ZMAT3: variants seen among roughly 807,000 people sequenced by gnomAD.
ZMAT3 encodes the protein zinc finger matrin-type protein 3.
In ZMAT3, 17 loss-of-function variants were observed where a neutral mutation model predicts 32.3. The observed-to-expected ratio is 0.53, with a 90% CI of 0.36 to 0.79. The LOEUF is 0.79. Among genes scored for constraint, ZMAT3 ranks in the 30% least tolerant of loss-of-function variants. The pLI is 0.00. For synonymous variants in ZMAT3, 120 were observed against 133.1 expected (o/e 0.90, Z 0.68); for missense variants, 329 against 359.7 (o/e 0.91, Z 0.69).
chr3:179,066,827 G>A (rs1041992267), intron 2 of ZMAT3, among the ~76,000 whole-genome samples: 1 of 152,156 alleles, frequency 6.6e-6, no homozygotes, highest in South Asian at 2.1e-4. Context: ...ATTCAACATG[G>A]AGGTGAAAGC....
chr3:179,053,342 A>C (rs1720671199), intron 2 of ZMAT3, among the ~76,000 whole-genome samples: 1 of 151,680 alleles, frequency 6.6e-6, no homozygotes, highest in African/African-American at 2.4e-5. Flanking sequence ...CAGTAATATA[A>C]ATAACTGAAT....
chr3:179,034,178 A>G (rs376430401), intron 2 of ZMAT3, among the ~76,000 whole-genome samples: 17 of 152,366 alleles, frequency 1.1e-4, no homozygotes, highest in African/African-American at 3.6e-4. Flanking sequence ...TTTATATGCT[A>G]AGCCCTAGAA....
chr3:179,047,774 A>T (rs962279610), intron 2 of ZMAT3, among the ~76,000 whole-genome samples: 2 of 151,966 alleles, frequency 1.3e-5, no homozygotes, highest in Non-Finnish European at 2.9e-5. Context: ...CAGGAGAATC[A>T]CTTCAGTCCG....
rs1374986803 is a variant in ZMAT3 at position 179,017,608 on chromosome 3, G to C, written c.*7409C>G. 6.6e-6 allele frequency: 1 copy of C among 152,082 alleles called. No individual in the cohort carries two copies. The highest frequency in any genetic ancestry group is 2.4e-5 in the African/African-American group (1 of 41,394). 9.4% of individuals were successfully genotyped at this position (152,082 alleles called of 1,614,324 possible). ...AAACAACCCTAATTACACACAGTTT[G>C]GGCTGACATTTTTTAGCTATATCCT... On this transcript the variant is annotated 3_prime_UTR_variant, in exon 6 of 6. Transcript: ENST00000311417.
chr3:179,033,956 T>C (rs2108546662), intron 2 of ZMAT3, among the ~76,000 whole-genome samples: 1 of 152,336 alleles, frequency 6.6e-6, no homozygotes, highest in Non-Finnish European at 1.5e-5. Flanking sequence ...TACAGCATGA[T>C]GGCTTCAAGA....
chr3:179,069,504 A>G (rs771628198), intron 1 of ZMAT3, among the ~76,000 whole-genome samples: 16 of 152,214 alleles, frequency 1.1e-4, no homozygotes, highest in Non-Finnish European at 2.2e-4. Flanking sequence ...CTCTTGGTCA[A>G]TAGAATATGG....
At chr3:179,048,752 GA>G (rs1312482231) in intron 2 of ZMAT3, among the ~76,000 whole-genome samples, 2 of 113,584 alleles carry the variant, frequency 1.8e-5, no homozygotes, top group Non-Finnish European at 3.8e-5. Context: ...TAACACAATG[GA>G]AAAAAACCCA....
rs185534466 is a variant in ZMAT3 at position 179,043,595 on chromosome 3, T to C, written c.271-12596A>G. Among the ~76,000 whole-genome samples the C allele has an allele frequency of 3.4e-3, 517 of 152,304 alleles. 3 individuals are homozygous for C. Among genetic ancestry groups the C allele is most frequent in the African/African-American group, 0.012 (490 of 41,566 alleles). On this transcript the variant is annotated intron_variant, in intron 2 of 5. Transcript: ENST00000311417. ...ATTCAAGATGGATTAAAGACTTAAA[T>C]GTTAGACCTAAAACCATAAAAATCC...
At position 179,021,690 on chromosome 3, in the gene ZMAT3, A is replaced by T. The variant is rs1223091912; in HGVS notation, c.*3327T>A. 1 of 152,214 alleles carries T rather than the reference A, an allele frequency of 6.6e-6. No homozygotes were observed. Among genetic ancestry groups the T allele is most frequent in the East Asian group, 1.9e-4 (1 of 5,200 alleles). 9.4% of individuals were successfully genotyped at this position (152,214 alleles called of 1,614,324 possible). A position where few individuals can be genotyped will look rare whatever the true frequency, so the allele number is the denominator to read the frequency against. ...AGACAGACTGAGCTTCACAAAATGA[A>T]ACCAACGAAGATCACATATCACTGA... is the stretch of plus-strand genomic sequence containing the variant. On this transcript the variant is annotated 3_prime_UTR_variant, in exon 6 of 6. Transcript: ENST00000311417.
At chr3:179,049,712 G>A (rs994113465) in intron 2 of ZMAT3, among the ~76,000 whole-genome samples, 6 of 152,142 alleles carry the variant, frequency 3.9e-5, no homozygotes, top group Non-Finnish European at 7.3e-5. Flanking sequence ...TTTGAAAGGG[G>A]CTGGGCATGG....
chr3:179,037,127 C>T (rs538368018), intron 2 of ZMAT3, among the ~76,000 whole-genome samples: 1 of 150,814 alleles, frequency 6.6e-6, no homozygotes, highest in African/African-American at 2.4e-5. Flanking sequence ...TGTCCATGTA[C>T]CTTATTCCTC....
At chr3:179,040,207 A>G (rs993950006) in intron 2 of ZMAT3, among the ~76,000 whole-genome samples, 7 of 152,236 alleles carry the variant, frequency 4.6e-5, no homozygotes, top group Non-Finnish European at 8.8e-5. Context: ...GCAGGCCAAC[A>G]TTCAAATTCA....
chr3:179,045,683 G>A (rs1454570806), intron 2 of ZMAT3, among the ~76,000 whole-genome samples: 2 of 152,082 alleles, frequency 1.3e-5, no homozygotes, highest in Non-Finnish European at 2.9e-5. Flanking sequence ...TACATCTAGG[G>A]GCATAGGATA....
At chr3:179,066,984 T>C (rs765080413) in intron 2 of ZMAT3, among the ~76,000 whole-genome samples, 2 of 152,220 alleles carry the variant, frequency 1.3e-5, no homozygotes, top group Admixed American at 6.5e-5. Context: ...TTACCAGTGA[T>C]AGGATATATA....
At chr3:179,041,465 C>T (rs933203902) in intron 2 of ZMAT3, among the ~76,000 whole-genome samples, 1 of 152,226 alleles carries the variant, frequency 6.6e-6, no homozygotes, top group African/African-American at 2.4e-5. Flanking sequence ...AACTGAACAA[C>T]TTGCTCCTGA....
intron 2 of ZMAT3, among the ~76,000 whole-genome samples, chr3:179,039,845 G>A (rs534642400): frequency 2.6e-5 from 4 of 152,250 alleles, no homozygotes; most frequent in African/African-American, 4.8e-5. Flanking sequence ...AAGGTTAGAC[G>A]AATGGCTAAC....
chr3:179,036,431 T>TATC (rs1465514539), intron 2 of ZMAT3, among the ~76,000 whole-genome samples: 4 of 152,038 alleles, frequency 2.6e-5, no homozygotes, highest in Admixed American at 2.6e-4. Context: ...AGCCAAAAAC[T>TATC]ATCACCTAGA....
At chr3:179,048,367 AC>A (rs1720358906) in intron 2 of ZMAT3, among the ~76,000 whole-genome samples, 1 of 152,224 alleles carries the variant, frequency 6.6e-6, no homozygotes, top group South Asian at 2.1e-4. Flanking sequence ...TCATCAGGTT[AC>A]CTAAAGTCAA....
At chr3:179,065,821 G>C (rs1162166951) in intron 2 of ZMAT3, among the ~76,000 whole-genome samples, 1 of 152,080 alleles carries the variant, frequency 6.6e-6, no homozygotes, top group South Asian at 2.1e-4. Flanking sequence ...CATGAGAATC[G>C]CTTGAACCCC....
Sources: gnomAD v4.1 joint callset for allele counts (sites outside exome capture counted in the v4.1 genomes callset) on GRCh38, gnomAD v4.1.1 for gene constraint, MANE v1.5 for transcripts, NCBI Gene and HGNC (gene_info 2026-07-23, HGNC 2026-07-21) for gene names.